Variants in ADGRV1 observed in about 807,000 individuals in gnomAD.
The protein encoded by ADGRV1 is adhesion G protein-coupled receptor V1.
A neutral mutation model predicts 596.2 loss-of-function variants in ADGRV1; 359 were observed. The observed-to-expected ratio is 0.60, with a 90% CI of 0.55 to 0.66. The LOEUF (loss-of-function observed/expected upper bound fraction) is 0.66, where lower values mean the gene tolerates loss of function less well. ADGRV1 is among the 30% of genes least tolerant of loss of function. ADGRV1 has a pLI of 0.00. For synonymous variants in ADGRV1, 2,681 were observed against 2,679.2 expected (o/e 1.00, Z -0.02); for missense variants, 7,274 against 7,575.6 (o/e 0.96, Z 1.48).
Position 91,071,150 on chromosome 5 carries a change from G to T in ADGRV1, c.18153-1297G>T, listed in dbSNP as rs538928273. On this transcript the variant is annotated intron_variant, in intron 85 of 89. Coordinates refer to ENST00000405460, the MANE Select transcript of ADGRV1 (RefSeq NM_032119.4). The stretch of plus-strand genomic sequence containing the variant: ...AGGAAATAGAAAGGGAGAGAAGGGA[G>T]AGGGGGTGGAGGGGAGAGAGCAGGT... Among the ~76,000 whole-genome samples, 374 of 152,298 alleles carry T rather than the reference G, an allele frequency of 2.5e-3. 1 individual carries two copies. Among genetic ancestry groups the T allele is most frequent in the African/African-American group, 8.5e-3 (355 of 41,556 alleles).
At chr5:90,596,207 A>G (rs528231558) in intron 1 of ADGRV1, among the ~76,000 whole-genome samples, 1 of 142,362 alleles carries the variant, frequency 7.0e-6, no homozygotes, top group African/African-American at 2.7e-5. Context: ...CCGGGCAGAG[A>G]CGCTCCTCAC....
At chr5:91,040,963 G>C (rs1306654307) in intron 85 of ADGRV1, among the ~76,000 whole-genome samples, 1 of 152,108 alleles carries the variant, frequency 6.6e-6, no homozygotes, top group Non-Finnish European at 1.5e-5. Context: ...TTCTTCTCTA[G>C]TTATCTCATT....
At chr5:90,924,989 A>G (rs1040393880) in intron 83 of ADGRV1, among the ~76,000 whole-genome samples, 16 of 150,466 alleles carry the variant, frequency 1.1e-4, no homozygotes, top group African/African-American at 2.4e-4. Context: ...CCATTGATCT[A>G]TATCTCTGTT....
intron 41 of ADGRV1, 107 bp downstream of exon 41, chr5:90,711,429 A>C: frequency 1.2e-6 from 1 of 825,536 alleles, no homozygotes; most frequent in South Asian, 3.2e-5. Flanking sequence ...TATTCTTAAA[A>C]ACCATTGTAT....
At chr5:90,727,142 C>T (rs1013327411) in intron 48 of ADGRV1, among the ~76,000 whole-genome samples, 1 of 152,066 alleles carries the variant, frequency 6.6e-6, no homozygotes, top group East Asian at 1.9e-4. Flanking sequence ...GGCTTGAGTG[C>T]AGTGCCATGA....
At chr5:91,031,058 C>A in intron 85 of ADGRV1, 6 of 1,505,574 alleles carry the variant, frequency 4.0e-6, no homozygotes, top group Non-Finnish European at 5.4e-6. Context: ...TTGCAAATAA[C>A]TGCCAATCAT....
chr5:90,673,283 T>G (rs1772739225), intron 22 of ADGRV1, among the ~76,000 whole-genome samples: 1 of 152,208 alleles, frequency 6.6e-6, no homozygotes, highest in Admixed American at 6.5e-5. Context: ...TTGCTTCTTA[T>G]CCTATCACAT....
At chr5:91,017,888 G>A (rs1247278925) in intron 85 of ADGRV1, among the ~76,000 whole-genome samples, 1 of 151,726 alleles carries the variant, frequency 6.6e-6, no homozygotes, top group Middle Eastern at 3.2e-3. Context: ...TATGGACCTA[G>A]AAGAAAAAGA....
rs944600760 is a variant in ADGRV1 at position 91,067,124 on chromosome 5, G to A, written c.18153-5323G>A. On this transcript the variant is annotated intron_variant, in intron 85 of 89. Coordinates refer to ENST00000405460, the MANE Select transcript of ADGRV1 (RefSeq NM_032119.4). ...TCAATGTCAAGTCATCCTATAAGTA[G>A]GGAGAATTGCAAAGGAGATTTTTTT... Among the ~76,000 whole-genome samples, 10 of 151,022 alleles carry A rather than the reference G, an allele frequency of 6.6e-5. No individual in the cohort carries two copies. In the East Asian group the frequency reaches 2.0e-3, roughly 30 times the overall value.
At chr5:91,088,517 T>TTTGGGAAGC (rs1390412332) in intron 86 of ADGRV1, among the ~76,000 whole-genome samples, 2 of 152,148 alleles carry the variant, frequency 1.3e-5, no homozygotes, top group Non-Finnish European at 2.9e-5. Context: ...AATAGCTCCA[T>TTTGGGAAGC]TTGGGAAGCT....
At chr5:90,872,765 CTCCACCCCTTT>C (rs1768816882) in intron 83 of ADGRV1, among the ~76,000 whole-genome samples, 1 of 152,142 alleles carries the variant, frequency 6.6e-6, no homozygotes, top group African/African-American at 2.4e-5. Context: ...ATAACCCCTT[CTCCACCCCTTT>C]ACAGAGGAGC....
intron 85 of ADGRV1, among the ~76,000 whole-genome samples, chr5:91,052,118 A>G (rs1465727421): frequency 6.6e-6 from 1 of 151,962 alleles, no homozygotes; most frequent in African/African-American, 2.4e-5. Flanking sequence ...TTTCTTTTCA[A>G]TAGTTAATCT....
chr5:90,782,266 C>A (rs1288727270), intron 65 of ADGRV1, among the ~76,000 whole-genome samples: 2 of 152,000 alleles, frequency 1.3e-5, no homozygotes, highest in African/African-American at 2.4e-5. Flanking sequence ...TAAAAAATTG[C>A]TTTAGGAGTT....
At chr5:90,800,310 C>G (rs1231546574) in intron 70 of ADGRV1, among the ~76,000 whole-genome samples, 2 of 152,016 alleles carry the variant, frequency 1.3e-5, no homozygotes, top group African/African-American at 4.8e-5. Flanking sequence ...ATGCAGCCAA[C>G]AAACATGAAA....
chr5:90,934,941 G>A (rs1333919902), intron 83 of ADGRV1, among the ~76,000 whole-genome samples: 1 of 152,062 alleles, frequency 6.6e-6, no homozygotes, highest in Non-Finnish European at 1.5e-5. Flanking sequence ...CATGATGAGG[G>A]CCCCACCTTC....
chr5:90,955,605 C>T (rs1374651040), intron 83 of ADGRV1, among the ~76,000 whole-genome samples: 3 of 152,162 alleles, frequency 2.0e-5, no homozygotes, highest in Non-Finnish European at 4.4e-5. Flanking sequence ...GTAAAATGCT[C>T]TCATATTGAA....
At chr5:91,030,606 A>G (rs560097777) in intron 85 of ADGRV1, among the ~76,000 whole-genome samples, 1 of 152,138 alleles carries the variant, frequency 6.6e-6, no homozygotes, top group African/African-American at 2.4e-5. Flanking sequence ...AAATTTTATG[A>G]TCATGTGTAG....
At chr5:90,869,675 G>A (rs1272556947) in intron 83 of ADGRV1, among the ~76,000 whole-genome samples, 4 of 152,012 alleles carry the variant, frequency 2.6e-5, no homozygotes, top group African/African-American at 9.7e-5. Flanking sequence ...CACTTTTCTT[G>A]TCTGTCTTTA....
chr5:90,769,722 G>A (rs780003217), intron 59 of ADGRV1, among the ~76,000 whole-genome samples: 1 of 151,890 alleles, frequency 6.6e-6, no homozygotes, highest in Admixed American at 6.6e-5. Context: ...TCAAGCTTTT[G>A]TTTCTTCATA....
Sources: allele counts gnomAD v4.1 joint callset (sites outside exome capture counted in the v4.1 genomes callset), GRCh38; gene constraint gnomAD v4.1.1; transcripts MANE v1.5; gene names NCBI Gene and HGNC (gene_info 2026-07-23, HGNC 2026-07-21).